AZIN2: variants seen among roughly 807,000 people sequenced by gnomAD.
AZIN2 encodes the protein antizyme inhibitor 2, also known as ODC antizyme inhibitor-2.
A neutral mutation model predicts 47.8 loss-of-function variants in AZIN2; 28 were observed. The ratio of observed to expected loss-of-function variants is 0.59; its 90% confidence interval spans 0.43 to 0.80. AZIN2 has a LOEUF of 0.80. Ranked by LOEUF, AZIN2 falls within the 30% of genes least tolerant of loss-of-function variation. The pLI is 0.00. For synonymous variants in AZIN2, 221 were observed against 239.4 expected, an observed-to-expected ratio of 0.92 and a Z score of 0.71; for missense variants, 535 against 582.5, an observed-to-expected ratio of 0.92 and a Z score of 0.84.
chr1:33,144,397 CAA>C, the AZIN2 span, among the ~76,000 whole-genome samples: 2 of 152,196 alleles, frequency 1.3e-5, no homozygotes, highest in Non-Finnish European at 2.9e-5. Flanking sequence ...CTTGGCCTCC[CAA>C]AGTGTTGGGA....
chr1:33,088,880 A>G (rs891136367), intron 5 of AZIN2, among the ~76,000 whole-genome samples: 2 of 152,070 alleles, frequency 1.3e-5, no homozygotes, highest in African/African-American at 4.8e-5. Context: ...CCAGCTCTTA[A>G]CCACTTGTAA....
At chr1:33,085,962 C>T (rs1165777490) in intron 5 of AZIN2, among the ~76,000 whole-genome samples, 2 of 152,112 alleles carry the variant, frequency 1.3e-5, no homozygotes, top group African/African-American at 2.4e-5. Context: ...CCTTTCAGTC[C>T]CCGAGGTCTA....
the AZIN2 span, among the ~76,000 whole-genome samples, chr1:33,151,657 G>A: frequency 0.19 from 28,371 of 152,112 alleles, 3,139 homozygotes; most frequent in South Asian, 0.3. Context: ...TCTAAGTCCC[G>A]GGACACCAAG....
chr1:33,113,029 A>C lies in AZIN2; in HGVS notation c.1030-4873A>C, dbSNP rs1028758723. On this transcript the variant is annotated intron_variant, in intron 10 of 11. Coordinates refer to ENST00000294517, the MANE Select transcript of AZIN2 (RefSeq NM_052998.4). This position sits in a 1 kb window ranked among gnomAD's most constrained non-coding sequence, Gnocchi z 4.1. ...CGCTCTGTTGCCCAGGCTGGAGTGC[A>C]GTGGTGCAATATCAGCTCACTGCAA... 1.3e-5 allele frequency among the ~76,000 whole-genome samples: 2 copies of C among 152,112 alleles called. No homozygotes were observed. The highest frequency in any genetic ancestry group is 4.8e-5 in the African/African-American group (2 of 41,414).
At chr1:33,105,042 G>A (rs114403582) in intron 10 of AZIN2, among the ~76,000 whole-genome samples, 16 of 152,134 alleles carry the variant, frequency 1.1e-4, no homozygotes, top group East Asian at 5.8e-4. Flanking sequence ...AAGACGTTTC[G>A]TTTACTAATG....
chr1:33,109,071 A>G (rs1644160724), intron 10 of AZIN2, among the ~76,000 whole-genome samples: 2 of 152,126 alleles, frequency 1.3e-5, no homozygotes, highest in Non-Finnish European at 2.9e-5. Context: ...CATTTGAGTA[A>G]GTGTTCAGTG....
intron 4 of AZIN2, 107 bp downstream of exon 4, chr1:33,082,461 C>T (rs75778047): frequency 0.014 from 10,163 of 749,230 alleles, 467 homozygotes; most frequent in East Asian, 0.11. Context: ...TTATTTGGTA[C>T]GCAATCCTTG....
the AZIN2 span, chr1:33,165,419 A>AGCCCTGCCCTCATCTCTGCCG: frequency 2.0e-6 from 3 of 1,491,140 alleles, no homozygotes; most frequent in African/African-American, 4.2e-5. This position sits in a 1 kb window ranked among gnomAD's most constrained non-coding sequence, Gnocchi z 4.0. Flanking sequence ...CGCCCCTCGA[A>AGCCCTGCCCTCATCTCTGCCG]GCCCTGCCCT....
intron 11 of AZIN2, 71 bp from the exon 12 acceptor site, chr1:33,119,973 G>T (rs1644742355): frequency 6.3e-7 from 1 of 1,597,846 alleles, no homozygotes; most frequent in Non-Finnish European, 8.5e-7. Context: ...GCCCAATGGG[G>T]CTGCGTCTCC....
At chr1:33,154,067 G>A in the AZIN2 span, among the ~76,000 whole-genome samples, 1 of 152,210 alleles carries the variant, frequency 6.6e-6, no homozygotes, top group African/African-American at 2.4e-5. Flanking sequence ...AAAGACTAAG[G>A]ATTGTGTAGA....
intron 6 of AZIN2, among the ~76,000 whole-genome samples, chr1:33,092,800 G>A (rs1044475820): frequency 6.6e-6 from 1 of 152,178 alleles, no homozygotes; most frequent in Non-Finnish European, 1.5e-5. Context: ...AGGGGTCAGG[G>A]CTGGACGTTT....
chr1:33,120,177 A>G lies in AZIN2; in HGVS notation c.1378A>G (p.Met460Val), dbSNP rs761080095. The stretch of plus-strand genomic sequence containing the variant: ...CCCTGTCTTCACCCCAGCGAGCATC[A>G]TGTGAGTGGGCCTCGTTCCCCCCGG... ...VGPVFTPASI[M>V] is the part of the protein sequence containing the mutation. The change falls in exon 12 of 12, where the codon ATG (methionine) becomes GTG (valine). Residue 460 changes from methionine to valine, a missense_variant. Coordinates refer to ENST00000294517, the MANE Select transcript of AZIN2 (RefSeq NM_052998.4). 3 of 1,604,120 alleles carry G rather than the reference A, an allele frequency of 1.9e-6. No homozygotes were observed. Among genetic ancestry groups the G allele is most frequent in the Non-Finnish European group, 2.6e-6 (3 of 1,172,198 alleles).
At chr1:33,096,173 G>A (rs1370431111) in intron 8 of AZIN2, among the ~76,000 whole-genome samples, 1 of 152,082 alleles carries the variant, frequency 6.6e-6, no homozygotes, top group Non-Finnish European at 1.5e-5. Context: ...TATAAGGAAG[G>A]GAAAATGTAT....
At chr1:33,139,761 G>T in the AZIN2 span, among the ~76,000 whole-genome samples, 1 of 152,166 alleles carries the variant, frequency 6.6e-6, no homozygotes, top group South Asian at 2.1e-4. Flanking sequence ...TGGTGGGGAG[G>T]GCTGAGTGCT....
In AZIN2 at chr1:33,084,107, G is replaced by C. The variant is rs1478041888; in HGVS notation, c.259G>C (p.Gly87Arg). 1 of 1,611,760 alleles carries C rather than the reference G, an allele frequency of 6.2e-7. No homozygotes were observed. Among genetic ancestry groups the C allele is most frequent in the Admixed American group, 1.7e-5 (1 of 60,030 alleles). The change falls in exon 5 of 12, where the codon GGC becomes CGC. Residue 87 changes from glycine (G) to arginine (R), a missense_variant. Physicochemically the swap from Gly to Arg is moderately radical, Grantham distance 125. This residue lies in a region of AZIN2 where 409 missense variants were observed against 429.0 expected (regional missense o/e 0.95). Coordinates refer to ENST00000294517, the MANE Select transcript of AZIN2 (RefSeq NM_052998.4). ...VLKVLAQLGL[G>R]FSCANKAEME... is the part of the protein sequence containing the mutation. ...GAAGGTTCTGGCCCAGCTGGGGCTGGGCTTTAGCTGTGCCAACAAGGTGAG... is the reference window on the plus strand; with the variant it reads ...GAAGGTTCTGGCCCAGCTGGGGCTGCGCTTTAGCTGTGCCAACAAGGTGAG...
chr1:33,139,198 G>A, the AZIN2 span, among the ~76,000 whole-genome samples: 5 of 152,146 alleles, frequency 3.3e-5, no homozygotes, highest in African/African-American at 2.4e-5. Context: ...CAAAATCTAG[G>A]TGTCGGGGGA....
At chr1:33,102,464 GTCACTT>G (rs1643777344) in intron 10 of AZIN2, among the ~76,000 whole-genome samples, 1 of 152,226 alleles carries the variant, frequency 6.6e-6, no homozygotes, top group East Asian at 1.9e-4. Context: ...GCTCTTGAAA[GTCACTT>G]CCACGCTGCT....
the AZIN2 span, among the ~76,000 whole-genome samples, chr1:33,154,871 A>G: frequency 6.6e-6 from 1 of 151,874 alleles, no homozygotes; most frequent in Non-Finnish European, 1.5e-5. Context: ...AGACGGGCAG[A>G]ACATGAGGTC....
chr1:33,165,134 A>C, the AZIN2 span: 1 of 210,326 alleles, frequency 4.8e-6, no homozygotes, highest in African/African-American at 2.3e-5. This position sits in a 1 kb window ranked among gnomAD's most constrained non-coding sequence, Gnocchi z 4.0. Flanking sequence ...GACTGAGCAC[A>C]TTCCCCAGCC....
Sources: allele counts gnomAD v4.1 joint callset (sites outside exome capture counted in the v4.1 genomes callset), GRCh38; gene constraint gnomAD v4.1.1; regional missense constraint gnomAD v4.1.1; non-coding constraint Gnocchi (gnomAD v3.1); transcripts MANE v1.5; gene names NCBI Gene and HGNC (gene_info 2026-07-23, HGNC 2026-07-21).